RPLP2: variants seen among roughly 807,000 people sequenced by gnomAD.
The protein encoded by RPLP2 is large ribosomal subunit protein P2.
RPLP2 carries 1 observed loss-of-function variant against 11.5 expected under a neutral mutation model. The ratio of observed to expected loss-of-function variants is 0.09; its 90% CI spans 0.03 to 0.41. The LOEUF (loss-of-function observed/expected upper bound fraction) is 0.41. Among genes scored for constraint, RPLP2 ranks in the 10% least tolerant of loss-of-function variants. The pLI is 0.98. For synonymous variants in RPLP2, 82 were observed against 55.9 expected, an observed-to-expected ratio of 1.47 and a Z score of -2.08; for missense variants, 177 against 145.6, an observed-to-expected ratio of 1.22 and a Z score of -1.11.
At chr11:812,013 C>T in intron 3 of RPLP2, 1 of 434,954 alleles carries the variant, frequency 2.3e-6, no homozygotes, top group Non-Finnish European at 4.3e-6. Flanking sequence ...ACTGAGGGTG[C>T]CAGGGATGTC....
At chr11:811,339 G>A (rs1021810104) in intron 2 of RPLP2, 5 of 547,416 alleles carry the variant, frequency 9.1e-6, no homozygotes, top group Non-Finnish European at 9.9e-6. Context: ...CAGTGTTGAA[G>A]ATACCTATGA....
At chr11:811,689 C>T (rs758397376) in intron 3 of RPLP2, 44 bp downstream of exon 3, 3 of 1,612,758 alleles carry the variant, frequency 1.9e-6, no homozygotes, top group East Asian at 4.5e-5. Context: ...CATGGTCCAT[C>T]CTAATCCCTG....
At chr11:811,785 G>A (rs755794035) in intron 3 of RPLP2, 140 bp downstream of exon 3, 34 of 1,043,216 alleles carry the variant, frequency 3.3e-5, no homozygotes, top group Non-Finnish European at 4.9e-5. Context: ...GGCTCCAGTG[G>A]GCTCACGTCA....
chr11:811,074 G>A (rs1292217235), intron 2 of RPLP2, among the ~76,000 whole-genome samples: 3 of 152,032 alleles, frequency 2.0e-5, no homozygotes, highest in East Asian at 3.8e-4. Flanking sequence ...CTACTCATGA[G>A]GCTGATGCGG....
rs753479220 is a variant in RPLP2 at position 812,552 on chromosome 11, A to G, written c.190A>G (p.Ser64Gly). The change falls in exon 4 of 5, where the codon AGT (serine) becomes GGT (glycine). Residue 64 changes from serine to glycine, a missense_variant. Ser to Gly is a moderately conservative substitution (Grantham distance 56, BLOSUM62 0). Transcript: ENST00000321153. ...VIAQGIGKLA[S>G]VPAGGAVAVS... ...TTCTGTAGGTATTGGCAAGCTTGCC[A>G]GTGTACCTGCTGGTGGGGCTGTAGC... is the stretch of plus-strand genomic sequence containing the variant. 6.2e-7 allele frequency: 1 copy of G among 1,609,612 alleles called. No individual in the cohort carries two copies. Among genetic ancestry groups the G allele is most frequent in the Non-Finnish European group, 8.5e-7 (1 of 1,179,852 alleles).
chr11:812,640 G>C lies in RPLP2; in HGVS notation c.271+7G>C, dbSNP rs756612981. The C allele has an allele frequency of 1.9e-6, 3 of 1,610,680 alleles. No individual in the cohort carries two copies. In the African/African-American group the frequency reaches 4.0e-5, roughly 21 times the overall value. On this transcript the variant is annotated splice_region_variant and intron_variant, in intron 4 of 4. Coordinates refer to ENST00000321153, the MANE Select transcript of RPLP2 (RefSeq NM_001004.4). ...GGTTCTGCCCCTGCTGCAGGTAAGT[G>C]GTGGCCTGGTGAGTGGGCAAGGGGC...
chr11:810,884 T>TAA (rs11306372), intron 2 of RPLP2, among the ~76,000 whole-genome samples: 95 of 141,354 alleles, frequency 6.7e-4, no homozygotes, highest in East Asian at 2.3e-3. Context: ...AAGATTGCGT[T>TAA]AAAAAAAAAA....
At chr11:810,131 C>T in intron 1 of RPLP2, 92 bp downstream of exon 1, 3 of 1,327,158 alleles carry the variant, frequency 2.3e-6, no homozygotes, top group South Asian at 3.5e-5. Flanking sequence ...GGGACGGAGG[C>T]CTACGGGCCG....
intron 2 of RPLP2, among the ~76,000 whole-genome samples, chr11:810,898 AGC>A (rs927050325): frequency 5.9e-4 from 89 of 149,612 alleles, no homozygotes; most frequent in Non-Finnish European, 7.3e-4. Context: ...AAAAAAAAAA[AGC>A]AGTCCTGGCG....
At chr11:811,777 C>T (rs1429695177) in intron 3 of RPLP2, 132 bp downstream of exon 3, 1 of 1,090,420 alleles carries the variant, frequency 9.2e-7, no homozygotes, top group Non-Finnish European at 1.4e-6. Context: ...GTGAGCAGGG[C>T]TCCAGTGGGC....
At chr11:810,127 G>A (rs1320474886) in intron 1 of RPLP2, 88 bp downstream of exon 1, 3 of 1,293,382 alleles carry the variant, frequency 2.3e-6, no homozygotes, top group Non-Finnish European at 3.0e-6. Flanking sequence ...TTTTGGGACG[G>A]AGGCCTACGG....
rs769896709 is a variant in RPLP2, at chr11:812,571, C to T, written c.209C>T (p.Ala70Val). ...GKLASVPAGGAVAVSAAPGSA... is the reference protein window; with the variant it reads ...GKLASVPAGGVVAVSAAPGSA... ...CTTGCCAGTGTACCTGCTGGTGGGG[C>T]TGTAGCCGTCTCTGCTGCCCCAGGC... The change falls in exon 4 of 5, where the codon GCT becomes GTT. Residue 70 changes from alanine to valine, a missense_variant. Coordinates refer to ENST00000321153, the MANE Select transcript of RPLP2 (RefSeq NM_001004.4). The T allele has an allele frequency of 6.2e-7, 1 of 1,609,600 alleles. No individual in the cohort carries two copies. The highest frequency in any genetic ancestry group is 1.1e-5 in the South Asian group (1 of 90,990).
intron 3 of RPLP2, chr11:811,856 A>T (rs1381977727): frequency 2.6e-6 from 2 of 769,358 alleles, no homozygotes; most frequent in South Asian, 1.4e-5. Flanking sequence ...TTCTCAGCAG[A>T]CGTTTAGGTG....
intron 2 of RPLP2, among the ~76,000 whole-genome samples, chr11:810,884 TAA>T (rs11306372): frequency 9.2e-5 from 13 of 141,290 alleles, no homozygotes; most frequent in Non-Finnish European, 1.4e-4. Flanking sequence ...AAGATTGCGT[TAA>T]AAAAAAAAAA....
intron 2 of RPLP2, chr11:810,639 CA>C (rs1866005008): frequency 7.3e-6 from 2 of 273,406 alleles, no homozygotes; most frequent in Non-Finnish European, 1.4e-5. Flanking sequence ...ACTAAAAATA[CA>C]AAAATTAGCC....
chr11:811,007 CAAA>C (rs56150719), intron 2 of RPLP2, among the ~76,000 whole-genome samples: 542 of 90,350 alleles, frequency 6.0e-3, no homozygotes, highest in Middle Eastern at 0.017. Context: ...CCGGTCTCCA[CAAA>C]AAAAAAAAAA....
chr11:810,073 G>T, intron 1 of RPLP2, 34 bp downstream of exon 1: 1 of 873,968 alleles, frequency 1.1e-6, no homozygotes, highest in Non-Finnish European at 1.6e-6. Flanking sequence ...GGTGCCGGCT[G>T]GGGACGCGGA....
In RPLP2 at chr11:812,578, C is replaced by T. The variant is rs769011693; in HGVS notation, c.216C>T (p.Ala72=). 1.3e-5 allele frequency: 21 copies of T among 1,609,374 alleles called. No individual in the cohort carries two copies. The highest frequency in any genetic ancestry group is 8.9e-5 in the East Asian group (4 of 44,890). Residue 72 remains alanine, a synonymous_variant, in exon 4 of 5, where the codon GCC becomes GCT. Transcript: ENST00000321153. ...LASVPAGGAV[A]VSAAPGSAAP... ...GTGTACCTGCTGGTGGGGCTGTAGC[C>T]GTCTCTGCTGCCCCAGGCTCTGCAG...
At chr11:810,626 C>T (rs1198673681) in intron 2 of RPLP2, 3 of 303,686 alleles carry the variant, frequency 9.9e-6, no homozygotes, top group Non-Finnish European at 1.8e-5. Context: ...AAACCCCATC[C>T]CTACTAAAAA....
Sources: allele counts gnomAD v4.1 joint callset (sites outside exome capture counted in the v4.1 genomes callset), GRCh38; gene constraint gnomAD v4.1.1; transcripts MANE v1.5; gene names NCBI Gene and HGNC (gene_info 2026-07-23, HGNC 2026-07-21).